The following NCOA2 variants were observed in gnomAD, a reference collection of about 807,000 sequenced individuals.
NCOA2 encodes nuclear receptor coactivator 2.
A neutral mutation model predicts 145.1 loss-of-function variants in NCOA2; 21 were observed. The ratio of observed to expected loss-of-function variants is 0.14; its 90% CI spans 0.10 to 0.21. The LOEUF (loss-of-function observed/expected upper bound fraction) is 0.21. NCOA2 is among the 10% of genes least tolerant of loss of function. The probability of loss-of-function intolerance (pLI) is 1.00; values close to 1 mark genes in which losing one functional copy is unlikely to be tolerated. For synonymous variants in NCOA2, 619 were observed against 637.5 expected, an observed-to-expected ratio of 0.97 and a Z score of 0.44; for missense variants, 1,472 against 1,837.6, an observed-to-expected ratio of 0.80 and a Z score of 3.64.
intron 2 of NCOA2, among the ~76,000 whole-genome samples, chr8:70,238,595 A>C (rs1310404520): frequency 6.6e-6 from 1 of 152,180 alleles, no homozygotes; most frequent in Non-Finnish European, 1.5e-5. Flanking sequence ...TGCCAACAAC[A>C]CAAGGAAATG....
intron 4 of NCOA2, among the ~76,000 whole-genome samples, chr8:70,203,697 T>C (rs1013827467): frequency 6.6e-6 from 1 of 152,236 alleles, no homozygotes; most frequent in Non-Finnish European, 1.5e-5. Flanking sequence ...TTTATTTCTA[T>C]GTTTAAACTC....
intron 1 of NCOA2, among the ~76,000 whole-genome samples, chr8:70,370,746 G>GA (rs1436934383): frequency 3.3e-5 from 5 of 151,498 alleles, no homozygotes; most frequent in South Asian, 4.2e-4. Context: ...GTGAGAAAAG[G>GA]AAAAAAAAGA....
At chr8:70,163,881 GA>G (rs1287311421) in intron 7 of NCOA2, among the ~76,000 whole-genome samples, 2 of 150,306 alleles carry the variant, frequency 1.3e-5, no homozygotes, top group Admixed American at 6.6e-5. Context: ...TCCAGCAGTA[GA>G]AAAAAAAATG....
chr8:70,426,806 T>C, the NCOA2 span, among the ~76,000 whole-genome samples: 1 of 152,058 alleles, frequency 6.6e-6, no homozygotes, highest in Non-Finnish European at 1.5e-5. Flanking sequence ...TGGTTTTTGG[T>C]TTTGTGTTTT....
chr8:70,377,227 T>C (rs1811764527), intron 1 of NCOA2, among the ~76,000 whole-genome samples: 1 of 152,002 alleles, frequency 6.6e-6, no homozygotes, highest in Non-Finnish European at 1.5e-5. Flanking sequence ...TCATGGATCA[T>C]ATATACTCCT....
chr8:70,404,548 A>G (rs1356599792), upstream of NCOA2, among the ~76,000 whole-genome samples: 1 of 152,182 alleles, frequency 6.6e-6, no homozygotes. Flanking sequence ...TCCAACAGGG[A>G]GAGGCTTCTC....
intron 4 of NCOA2, among the ~76,000 whole-genome samples, chr8:70,194,006 A>G (rs1203434303): frequency 6.6e-6 from 1 of 152,226 alleles, no homozygotes; most frequent in African/African-American, 2.4e-5. Context: ...AGACAGCTCC[A>G]ACTGGACTCT....
intron 7 of NCOA2, among the ~76,000 whole-genome samples, chr8:70,165,723 AT>A (rs1229830602): frequency 2.6e-5 from 4 of 152,090 alleles, no homozygotes; most frequent in Non-Finnish European, 5.9e-5. Context: ...GTACCATTGT[AT>A]TTTATCAATT....
In NCOA2 at chr8:70,198,070, GAAT is replaced by G. The variant is rs1817523642; in HGVS notation, c.259+15830_259+15832del. ...CCTGCCTTGGCCTCCCAAAGTGTTG[GAAT>G]AACAGGTGTGAGTAATGGCATCTGG... On this transcript the variant is annotated intron_variant, in intron 4 of 22. Coordinates refer to ENST00000452400, the MANE Select transcript of NCOA2 (RefSeq NM_006540.4). 2.6e-5 allele frequency among the ~76,000 whole-genome samples: 4 copies of G among 152,104 alleles called. No homozygotes were observed. The South Asian group carries it at 8.3e-4, about 32-fold the overall frequency.
intron 2 of NCOA2, 75 bp from the exon 3 acceptor site, chr8:70,216,839 CAAT>C: frequency 2.1e-6 from 2 of 935,024 alleles, no homozygotes; most frequent in Non-Finnish European, 1.7e-6. Flanking sequence ...ATTTTACCAA[CAAT>C]AAAAGAATTT....
the NCOA2 span, among the ~76,000 whole-genome samples, chr8:70,452,978 G>C: frequency 1.3e-5 from 2 of 152,104 alleles, no homozygotes; most frequent in African/African-American, 4.8e-5. Flanking sequence ...GAAAGTGTTT[G>C]GTTTTGTATT....
At chr8:70,349,169 T>C (rs1300635655) in intron 1 of NCOA2, among the ~76,000 whole-genome samples, 3 of 152,024 alleles carry the variant, frequency 2.0e-5, no homozygotes, top group Admixed American at 6.6e-5. Flanking sequence ...CGAGTAACAG[T>C]ATAGTCCCTA....
chr8:70,219,791 C>T (rs1819985134), intron 2 of NCOA2, among the ~76,000 whole-genome samples: 1 of 152,112 alleles, frequency 6.6e-6, no homozygotes, highest in Admixed American at 6.5e-5. Flanking sequence ...GAATGAGGTG[C>T]TCTAACCTAG....
intron 11 of NCOA2, among the ~76,000 whole-genome samples, chr8:70,149,218 A>C (rs982170186): frequency 6.6e-6 from 1 of 151,842 alleles, no homozygotes; most frequent in Non-Finnish European, 1.5e-5. Flanking sequence ...ATTATACAGA[A>C]GCTATAAAAA....
intron 2 of NCOA2, among the ~76,000 whole-genome samples, chr8:70,291,483 T>G (rs1483961257): frequency 1.1e-4 from 16 of 152,132 alleles, no homozygotes; most frequent in Non-Finnish European, 1.5e-5. Context: ...TCTCTTATAC[T>G]CCAAGAAACA....
chr8:70,194,481 G>A (rs992313253), intron 4 of NCOA2, among the ~76,000 whole-genome samples: 1 of 152,028 alleles, frequency 6.6e-6, no homozygotes, highest in Non-Finnish European at 1.5e-5. Flanking sequence ...AGGTTACATC[G>A]CACAAGTGAA....
intron 6 of NCOA2, among the ~76,000 whole-genome samples, chr8:70,168,968 C>T (rs1371122812): frequency 6.6e-6 from 1 of 152,162 alleles, no homozygotes; most frequent in East Asian, 1.9e-4. Flanking sequence ...AGAATTATCA[C>T]ATAAAGGAAA....
intron 2 of NCOA2, among the ~76,000 whole-genome samples, chr8:70,248,047 C>T (rs1347778833): frequency 1.3e-5 from 2 of 152,172 alleles, no homozygotes; most frequent in African/African-American, 4.8e-5. Context: ...TTTTTCTTCA[C>T]CAAGGCAGTA....
At chr8:70,392,341 G>A (rs867405202) in intron 1 of NCOA2, among the ~76,000 whole-genome samples, 2 of 152,194 alleles carry the variant, frequency 1.3e-5, no homozygotes, top group African/African-American at 2.4e-5. Context: ...ACGATTTAAC[G>A]TTCATTGGTT....
Sources: allele counts gnomAD v4.1 joint callset (sites outside exome capture counted in the v4.1 genomes callset), GRCh38; gene constraint gnomAD v4.1.1; transcripts MANE v1.5; gene names NCBI Gene and HGNC (gene_info 2026-07-23, HGNC 2026-07-21).